Variants in FGF22 observed in about 807,000 individuals in gnomAD.
FGF22 encodes FGF-22.
FGF22 carries 11 observed loss-of-function variants against 10.3 expected under a neutral mutation model. The ratio of observed to expected loss-of-function variants is 1.07; its 90% CI spans 0.67 to 1.77. The LOEUF (loss-of-function observed/expected upper bound fraction) is 1.77. FGF22 is among the 40% of genes most tolerant of loss of function. FGF22 has a pLI of 0.00. For synonymous variants in FGF22, 136 were observed against 122.1 expected (o/e 1.11, Z -0.75); for missense variants, 317 against 273.2 (o/e 1.16, Z -1.13).
exon 3 of FGF22, chr19:643,735 C>G (rs1985994543): frequency 4.9e-6 from 4 of 813,310 alleles, no homozygotes; most frequent in Non-Finnish European, 7.5e-6. Flanking sequence ...GGACACAGCC[C>G]AGGAGCCCTC....
At chr19:643,760 C>G in exon 3 of FGF22, 1 of 658,030 alleles carries the variant, frequency 1.5e-6, no homozygotes, top group East Asian at 2.8e-5. Flanking sequence ...GGGGTCCCAG[C>G]CTGAGGGGGT....
At chr19:641,809 A>G (rs377740139) in intron 1 of FGF22, among the ~76,000 whole-genome samples, 1 of 152,046 alleles carries the variant, frequency 6.6e-6, no homozygotes, top group Admixed American at 6.6e-5. Flanking sequence ...TCACTTTGAC[A>G]GGGAGCTGGC....
At chr19:639,901 C>T (rs1314628703) in exon 1 of FGF22, 1 of 1,201,432 alleles carries the variant, frequency 8.3e-7, no homozygotes, top group East Asian at 3.6e-5. Flanking sequence ...GAGCGACGAG[C>T]GCGCAGCGAA....
intron 1 of FGF22, chr19:641,302 T>C (rs751333115): frequency 2.7e-5 from 12 of 451,108 alleles, no homozygotes; most frequent in Admixed American, 7.1e-5. Flanking sequence ...GTTGGCCGGG[T>C]GCAGTGGCTC....
In FGF22 at chr19:643,347, C is replaced by G. The variant is rs556875686; in HGVS notation, c.318+9C>G. 1 of 1,195,370 alleles carries G rather than the reference C, an allele frequency of 8.4e-7. No individual in the cohort carries two copies. The highest frequency in any genetic ancestry group is 2.0e-5 in the Admixed American group (1 of 49,590). The allele number at this position is 1,195,370 out of a possible 1,614,324, so 74.0% of individuals were successfully genotyped here. ...GCCGCCTCTACGGGTCGGTGAGTGC[C>G]GGGCAGGGCTGGGCGGCGCGGGCAG... On this transcript the variant is annotated intron_variant, in intron 2 of 2. Transcript: ENST00000215530.
chr19:643,181 CAGCGGTGCTGGGGGTGAGCCAGCA>C, intron 1 of FGF22, 30 bp from the exon 2 acceptor site: 2 of 809,958 alleles, frequency 2.5e-6, no homozygotes, highest in Non-Finnish European at 3.2e-6. Flanking sequence ...CAGCGGACAG[CAGCGGTGCTGGGGGTGAGCCAGCA>C]AGGCCCTCCC....
chr19:640,818 G>A (rs1985873589), intron 1 of FGF22: 7 of 225,416 alleles, frequency 3.1e-5, no homozygotes, highest in South Asian at 2.8e-4. Context: ...GGGGGCACTG[G>A]GAAGGGGGCC....
exon 3 of FGF22, chr19:644,066 C>T (rs866784102): frequency 2.8e-5 from 5 of 178,232 alleles, no homozygotes; most frequent in Non-Finnish European, 5.9e-5. Flanking sequence ...GCAGGTGGGA[C>T]GGAGATGGAG....
At chr19:643,415 C>T in exon 3 of FGF22, 1 of 1,611,110 alleles carries the variant, frequency 6.2e-7, no homozygotes, top group Non-Finnish European at 8.5e-7. Flanking sequence ...CGCAGCGACT[C>T]TACACCGTGG....
rs1011207132 is a variant in FGF22, at chr19:640,015, G to C, written c.90G>C (p.Pro30=). ...GAACCCCGAGCGCGTCGCGGGGACC[G>C]CGCAGCTACCCGCACCTGGAGGGCG... The change falls in exon 1 of 3, where the codon CCG becomes CCC. Residue 30 remains proline (P), a synonymous_variant. Transcript: ENST00000215530. 6 of 1,346,802 alleles carry C rather than the reference G, an allele frequency of 4.5e-6. No homozygotes were observed. The African/African-American group carries it at 7.6e-5, about 17-fold the overall frequency. The allele number at this position is 1,346,802 out of a possible 1,614,324, so 83.4% of individuals were successfully genotyped here.
intron 1 of FGF22, among the ~76,000 whole-genome samples, chr19:642,892 C>A (rs1231248263): frequency 1.3e-5 from 2 of 152,058 alleles, no homozygotes; most frequent in African/African-American, 4.8e-5. Context: ...CCGCCATACA[C>A]ACACACAGAT....
rs145347220 is a variant in FGF22, at chr19:643,516, C to A, written c.425C>A (p.Ala142Glu). Residue 142 changes from alanine (A) to glutamate (E), a missense_variant, in exon 3 of 3, where the codon GCG becomes GAG. Physicochemically the swap from Ala to Glu is moderately radical, Grantham distance 107 (BLOSUM62 -1). Transcript: ENST00000215530. ...CGCCGCGGCCAGCCCATGTTCCTGG[C>A]GCTGGACAGGAGGGGGGGGCCCCGG... The A allele has an allele frequency of 2.5e-5, 41 of 1,608,348 alleles. No individual in the cohort carries two copies. The highest frequency in any genetic ancestry group is 3.3e-5 in the Non-Finnish European group (39 of 1,178,542).
intron 1 of FGF22, chr19:641,688 G>C (rs1212233820): frequency 5.0e-6 from 1 of 198,592 alleles, no homozygotes; most frequent in Admixed American, 5.3e-5. Flanking sequence ...GGAGGTGCAG[G>C]GCGAGGAAGG....
chr19:639,921 G>A, exon 1 of FGF22: 1 of 1,220,210 alleles, frequency 8.2e-7, no homozygotes, highest in African/African-American at 1.6e-5. Context: ...ACCGGGTGCC[G>A]GGTCATGCGC....
intron 1 of FGF22, chr19:641,197 C>CA: frequency 2.2e-6 from 1 of 456,526 alleles, no homozygotes; most frequent in Non-Finnish European, 4.4e-6. Context: ...CCAGTGGTGA[C>CA]AGAGACGCCC....
exon 3 of FGF22, chr19:643,483 G>T: frequency 6.2e-6 from 10 of 1,611,104 alleles, no homozygotes; most frequent in Non-Finnish European, 8.5e-6. Context: ...GCCTCACAGC[G>T]CTGGCGCCGC....
intron 1 of FGF22, 199 bp downstream of exon 1, chr19:640,338 G>A: frequency 2.6e-6 from 1 of 386,128 alleles, no homozygotes; most frequent in Non-Finnish European, 4.5e-6. Context: ...AGGCTGCAGC[G>A]GCGGACCCGG....
intron 1 of FGF22, chr19:640,417 CTG>C: frequency 3.3e-6 from 1 of 307,606 alleles, no homozygotes. Flanking sequence ...AGGTGGGAAA[CTG>C]AGGCTCCAGA....
At chr19:639,917 T>G (rs1353075260) in exon 1 of FGF22, 1 of 1,217,190 alleles carries the variant, frequency 8.2e-7, no homozygotes, top group Non-Finnish European at 1.0e-6. Context: ...GCGAACCGGG[T>G]GCCGGGTCAT....
Sources: allele counts gnomAD v4.1 joint callset (sites outside exome capture counted in the v4.1 genomes callset), GRCh38; gene constraint gnomAD v4.1.1; transcripts MANE v1.5; gene names NCBI Gene and HGNC (gene_info 2026-07-23, HGNC 2026-07-21).